The following PCDHGA4 variants were observed in gnomAD, a reference collection of about 807,000 sequenced individuals.
PCDHGA4 encodes the protein protocadherin gamma-A4.
PCDHGA4 carries 38 observed loss-of-function variants against 54.6 expected under a neutral mutation model. That is an observed-to-expected ratio of 0.70 (90% CI 0.54 to 0.91). The LOEUF is 0.91. PCDHGA4 is among the 40% of genes least tolerant of loss of function. The pLI is 0.00. For synonymous variants in PCDHGA4, 511 were observed against 512.9 expected, an observed-to-expected ratio of 1.00 and a Z score of 0.05; for missense variants, 1,298 against 1,220.9, an observed-to-expected ratio of 1.06 and a Z score of -0.94.
At chr5:141,393,669 G>A in intron 1 of PCDHGA4, 1 of 1,613,886 alleles carries the variant, frequency 6.2e-7, no homozygotes, top group Non-Finnish European at 8.5e-7. Flanking sequence ...GAAAATTAAT[G>A]AAAAACAAAC....
intron 1 of PCDHGA4, chr5:141,478,484 C>A (rs376021397): frequency 1.2e-5 from 20 of 1,613,340 alleles, no homozygotes; most frequent in Non-Finnish European, 1.4e-5. Context: ...GAACACGCTG[C>A]GGAGCTGTGA....
chr5:141,403,490 C>T, intron 1 of PCDHGA4: 1 of 1,614,044 alleles, frequency 6.2e-7, no homozygotes, highest in South Asian at 1.1e-5. Flanking sequence ...CCACTTCTCC[C>T]TGAACGTGCA....
intron 1 of PCDHGA4, chr5:141,468,330 C>CAAAAAAAAA (rs533390277): frequency 1.3e-5 from 1 of 79,886 alleles, no homozygotes; most frequent in African/African-American, 3.9e-5. Context: ...AACTCCATCT[C>CAAAAAAAAA]AAAAAAAAAA....
chr5:141,438,180 A>G (rs2097937602), intron 1 of PCDHGA4, among the ~76,000 whole-genome samples: 1 of 152,204 alleles, frequency 6.6e-6, no homozygotes, highest in African/African-American at 2.4e-5. Context: ...AATATTTTAT[A>G]AAGGATGAGA....
In PCDHGA4 at chr5:141,357,048, A is replaced by C; in HGVS notation, c.1941A>C (p.Leu647=). The C allele has an allele frequency of 6.2e-7, 1 of 1,614,008 alleles. No individual in the cohort carries two copies. The highest frequency in any genetic ancestry group is 8.5e-7 in the Non-Finnish European group (1 of 1,179,970). The change falls in exon 1 of 4, where the codon CTA becomes CTC. Residue 647 remains leucine (L), a synonymous_variant. Coordinates refer to ENST00000571252, the MANE Select transcript of PCDHGA4 (RefSeq NM_018917.4). The part of the protein sequence containing the change: ...YSLLKSSEPG[L]FAVGLHTGEV... Reference sequence around the variant, plus strand: ...TACTCAAGTCCAGCGAGCCGGGACTATTTGCAGTGGGGCTGCACACAGGCG... The same window carrying C: ...TACTCAAGTCCAGCGAGCCGGGACTCTTTGCAGTGGGGCTGCACACAGGCG...
chr5:141,409,282 A>G (rs769745022), intron 1 of PCDHGA4: 1 of 1,613,958 alleles, frequency 6.2e-7, no homozygotes, highest in East Asian at 2.2e-5. Context: ...TGGAGAATTC[A>G]CCTCCAGGAA....
chr5:141,466,683 A>G (rs1347308492), intron 1 of PCDHGA4, among the ~76,000 whole-genome samples: 1 of 152,170 alleles, frequency 6.6e-6, no homozygotes, highest in African/African-American at 2.4e-5. Context: ...CTTCCACTCA[A>G]GCTTCATCAT....
chr5:141,373,392 A>G (rs1769542024), intron 1 of PCDHGA4, among the ~76,000 whole-genome samples: 1 of 152,218 alleles, frequency 6.6e-6, no homozygotes, highest in Non-Finnish European at 1.5e-5. Context: ...TTTGTGTAGC[A>G]TATGCCTGTA....
At chr5:141,501,423 A>C (rs1195105794) in intron 2 of PCDHGA4, among the ~76,000 whole-genome samples, 1 of 151,966 alleles carries the variant, frequency 6.6e-6, no homozygotes, top group Non-Finnish European at 1.5e-5. Flanking sequence ...AGTTGACTAA[A>C]TGTAGTCCAT....
At chr5:141,442,837 A>G (rs2098346617) in intron 1 of PCDHGA4, among the ~76,000 whole-genome samples, 1 of 152,202 alleles carries the variant, frequency 6.6e-6, no homozygotes, top group Admixed American at 6.5e-5. Flanking sequence ...GGGAGGGACA[A>G]ATCTTGGCCA....
At chr5:141,419,917 T>C in intron 1 of PCDHGA4, 1 of 1,612,890 alleles carries the variant, frequency 6.2e-7, no homozygotes, top group Non-Finnish European at 8.5e-7. Context: ...ACTCCCAGGC[T>C]GAGATGCAGT....
intron 1 of PCDHGA4, chr5:141,378,349 C>T (rs1774833758): frequency 6.6e-6 from 1 of 152,158 alleles, no homozygotes; most frequent in African/African-American, 2.4e-5. Flanking sequence ...ATGGTGAAAC[C>T]CCGTCTCTAC....
chr5:141,438,767 T>C (rs1478209487), intron 1 of PCDHGA4, among the ~76,000 whole-genome samples: 2 of 148,566 alleles, frequency 1.3e-5, no homozygotes, highest in Non-Finnish European at 3.0e-5. Flanking sequence ...GTTCAAGCGA[T>C]TCTCCTGCCT....
rs1345800081 is a variant in PCDHGA4, at chr5:141,485,453, G to A, written c.2515-9354G>A. 1 of 1,614,176 alleles carries A rather than the reference G, an allele frequency of 6.2e-7. No homozygotes were observed. The highest frequency in any genetic ancestry group is 8.5e-7 in the Non-Finnish European group (1 of 1,180,036). On this transcript the variant is annotated intron_variant, in intron 1 of 3. Transcript: ENST00000571252. The surrounding 1 kb of genome is among the most constrained non-coding windows in gnomAD (Gnocchi z 5.7). ...CATCAAGAACCCAATCGACCGAGAG[G>A]CACTGTGTGGGCTCAGTGCCAGCTG...
Position 141,409,135 on chromosome 5 carries a change from T to C in PCDHGA4, c.2514+51514T>C, listed in dbSNP as rs748247175. 3.1e-6 allele frequency: 5 copies of C among 1,614,026 alleles called. No homozygotes were observed. In the South Asian group the frequency reaches 3.3e-5, roughly 11 times the overall value. On this transcript the variant is annotated intron_variant, in intron 1 of 3. Coordinates refer to ENST00000571252, the MANE Select transcript of PCDHGA4 (RefSeq NM_018917.4). ...ATAACCAGTCATTTGATTTTGAAGA[T>C]GTAGAAAGGTACACCATGGAAGTGG...
At position 141,389,700 on chromosome 5, in the gene PCDHGA4, G is replaced by A. The variant is rs534784537; in HGVS notation, c.2514+32079G>A. On this transcript the variant is annotated intron_variant, in intron 1 of 3. Coordinates refer to ENST00000571252, the MANE Select transcript of PCDHGA4 (RefSeq NM_018917.4). ...ACACAACGCCTGGCTGTCCTACCAC[G>A]TGCTGCAGGCTAGCGAGCCCGGGCT... 11 of 1,612,578 alleles carry A rather than the reference G, an allele frequency of 6.8e-6. No homozygotes were observed. The South Asian group carries it at 1.1e-4, about 16-fold the overall frequency.
chr5:141,381,693 G>A (rs1777359039), intron 1 of PCDHGA4, among the ~76,000 whole-genome samples: 1 of 152,096 alleles, frequency 6.6e-6, no homozygotes, highest in African/African-American at 2.4e-5. Context: ...GACAAACAAC[G>A]ATTTCTTTCT....
chr5:141,441,737 C>T lies in PCDHGA4; in HGVS notation c.2515-53070C>T, dbSNP rs2098268916. 5 of 365,122 alleles carry T rather than the reference C, an allele frequency of 1.4e-5. 1 individual carries two copies. The highest frequency in any genetic ancestry group is 1.1e-4 in the South Asian group (5 of 46,286). 22.6% of individuals were successfully genotyped at this position (365,122 alleles called of 1,614,324 possible). ...TGCAGGCCCGCGACCAGGACTAGCT[C>T]GCGCTCGGCGTCAACGTGAGCCTGC... On this transcript the variant is annotated intron_variant, in intron 1 of 3. Transcript: ENST00000571252.
At chr5:141,400,126 G>A (rs1428204829) in intron 1 of PCDHGA4, 2 of 1,613,972 alleles carry the variant, frequency 1.2e-6, no homozygotes, top group East Asian at 2.2e-5. Context: ...CTTGCAGGAG[G>A]TGCTGCCGGA....
Sources: allele counts gnomAD v4.1 joint callset (sites outside exome capture counted in the v4.1 genomes callset), GRCh38; gene constraint gnomAD v4.1.1; non-coding constraint Gnocchi (gnomAD v3.1); transcripts MANE v1.5; gene names NCBI Gene and HGNC (gene_info 2026-07-23, HGNC 2026-07-21).